The following SPIRE2 variants were observed in gnomAD, a reference collection of about 807,000 sequenced individuals.
SPIRE2 encodes the protein spire type actin nucleation factor 2.
A neutral mutation model predicts 80.7 loss-of-function variants in SPIRE2; 76 were observed. That is an observed-to-expected ratio of 0.94 (90% CI 0.78 to 1.14). SPIRE2 has a LOEUF of 1.14. Among genes scored for constraint, SPIRE2 ranks in the 50% most tolerant of loss-of-function variants. SPIRE2 has a pLI of 0.00. For synonymous variants in SPIRE2, 535 were observed against 432.6 expected (o/e 1.24, Z -2.94); for missense variants, 1,196 against 1,015.3 (o/e 1.18, Z -2.42).
chr16:89,845,848 A>T, intron 2 of SPIRE2: 1 of 528,578 alleles, frequency 1.9e-6, no homozygotes, highest in Non-Finnish European at 3.3e-6. Context: ...TCCACTTTCT[A>T]CTGCCTTTTT....
At chr16:89,849,076 C>A (rs1046864080) in intron 2 of SPIRE2, among the ~76,000 whole-genome samples, 1 of 152,272 alleles carries the variant, frequency 6.6e-6, no homozygotes, top group African/African-American at 2.4e-5. Flanking sequence ...TTCACCTGTT[C>A]TTGTTCTGCC....
intron 10 of SPIRE2, chr16:89,862,055 G>C (rs1045915478): frequency 1.3e-5 from 2 of 150,468 alleles, no homozygotes; most frequent in African/African-American, 4.9e-5. Context: ...CCAGGCTGGA[G>C]TGCAGTGGCG....
intron 12 of SPIRE2, among the ~76,000 whole-genome samples, chr16:89,867,051 A>G (rs2041795727): frequency 6.6e-6 from 1 of 151,874 alleles, no homozygotes; most frequent in Non-Finnish European, 1.5e-5. Context: ...TGTCAGGTAC[A>G]CACCAATGTC....
At position 89,856,100 on chromosome 16, in the gene SPIRE2, T is replaced by C; in HGVS notation, c.979-13T>C. 2 of 1,610,150 alleles carry C rather than the reference T, an allele frequency of 1.2e-6. No homozygotes were observed. The highest frequency in any genetic ancestry group is 8.5e-7 in the Non-Finnish European group (1 of 1,179,048). On this transcript the variant is annotated splice_polypyrimidine_tract_variant and intron_variant, in intron 6 of 14. Transcript: ENST00000378247. ...CCTGCTTCCCCACCGCAGGTCTCGCTTCCCCACCGCAGGTCTCTGAGAGGC... is the reference window on the plus strand; with the variant it reads ...CCTGCTTCCCCACCGCAGGTCTCGCCTCCCCACCGCAGGTCTCTGAGAGGC...
At chr16:89,836,201 T>C (rs1318731373) in intron 1 of SPIRE2, 1 of 455,626 alleles carries the variant, frequency 2.2e-6, no homozygotes, top group Non-Finnish European at 4.4e-6. Context: ...CAAACATAGG[T>C]TATTCTCTTA....
chr16:89,858,512 G>A lies in SPIRE2; in HGVS notation c.1272+5G>A. 11 of 1,565,598 alleles carry A rather than the reference G, an allele frequency of 7.0e-6. No individual in the cohort carries two copies. Among genetic ancestry groups the A allele is most frequent in the Non-Finnish European group, 9.5e-6 (11 of 1,156,648 alleles). On this transcript the variant is annotated splice_donor_5th_base_variant and intron_variant, in intron 8 of 14. Coordinates refer to ENST00000378247, the MANE Select transcript of SPIRE2 (RefSeq NM_032451.2). ...GAAGAGATGAATACATCTGAGGTCA[G>A]AACCCATGGGGATTCCTGAAAAGAG...
chr16:89,871,106 C>G lies in SPIRE2; in HGVS notation c.*834C>G, dbSNP rs2041836198. On this transcript the variant is annotated 3_prime_UTR_variant, in exon 15 of 15. Coordinates refer to ENST00000378247, the MANE Select transcript of SPIRE2 (RefSeq NM_032451.2). ...GTCTCGAAAAAAAAAAAGGTCCGTGCCAAGCTGCTCCCTGCCCTTGCCCTT... is the reference window on the plus strand; with the variant it reads ...GTCTCGAAAAAAAAAAAGGTCCGTGGCAAGCTGCTCCCTGCCCTTGCCCTT... 1 of 151,108 alleles carries G rather than the reference C, an allele frequency of 6.6e-6. No individual in the cohort carries two copies. The highest frequency in any genetic ancestry group is 1.5e-5 in the Non-Finnish European group (1 of 68,456). The allele number at this position is 151,108 out of a possible 1,614,324, so 9.4% of individuals were successfully genotyped here. A position where few individuals can be genotyped will look rare whatever the true frequency, so the allele number is the denominator to read the frequency against.
chr16:89,859,209 C>T lies in SPIRE2; in HGVS notation c.1317C>T (p.Arg439=). Reference sequence around the variant, plus strand: ...GGGAGGTGACGCTGAAACGGGACCGCTCCTTCTCAGAGCATGACCTGGCCC... The same window carrying T: ...GGGAGGTGACGCTGAAACGGGACCGTTCCTTCTCAGAGCATGACCTGGCCC... The part of the protein sequence containing the change: ...PCGEVTLKRD[R]SFSEHDLAQL... Residue 439 remains arginine, a synonymous_variant, in exon 9 of 15, where the codon CGC becomes CGT. Coordinates refer to ENST00000378247, the MANE Select transcript of SPIRE2 (RefSeq NM_032451.2). 2 of 1,602,698 alleles carry T rather than the reference C, an allele frequency of 1.2e-6. No homozygotes were observed. The highest frequency in any genetic ancestry group is 1.7e-6 in the Non-Finnish European group (2 of 1,174,552).
Position 89,845,566 on chromosome 16 carries a change from G to C in SPIRE2, c.288+201G>C, listed in dbSNP as rs1567671943. 5.6e-6 allele frequency: 4 copies of C among 709,134 alleles called. 1 individual carries two copies. The South Asian group carries it at 5.9e-5, about 10-fold the overall frequency. The allele number at this position is 709,134 out of a possible 1,614,324, so 43.9% of individuals were successfully genotyped here. A position where few individuals can be genotyped will look rare whatever the true frequency, so the allele number is the denominator to read the frequency against. ...AGACGTGGAGGAGACCGCCGGGGTG[G>C]GGAGGGTCCCCGTGGTGCTTCCGGC... On this transcript the variant is annotated intron_variant, in intron 2 of 14. Coordinates refer to ENST00000378247, the MANE Select transcript of SPIRE2 (RefSeq NM_032451.2).
chr16:89,844,836 G>C (rs1020070022), intron 1 of SPIRE2, among the ~76,000 whole-genome samples: 2 of 152,188 alleles, frequency 1.3e-5, no homozygotes, highest in African/African-American at 4.8e-5. Flanking sequence ...TCCCACCTCG[G>C]CATCTCAAAG....
chr16:89,843,698 G>GTTTTTTT (rs568062812), intron 1 of SPIRE2, among the ~76,000 whole-genome samples: 2 of 18,214 alleles, frequency 1.1e-4, no homozygotes, highest in Admixed American at 1.0e-3. Context: ...TTTGTTTTTT[G>GTTTTTTT]TTTTTTTTTT....
At chr16:89,843,174 G>C (rs1310900876) in intron 1 of SPIRE2, among the ~76,000 whole-genome samples, 2 of 152,182 alleles carry the variant, frequency 1.3e-5, no homozygotes, top group African/African-American at 4.8e-5. Flanking sequence ...CCCCGGGGGA[G>C]GAGGGTTGGG....
chr16:89,859,453 G>A, intron 9 of SPIRE2, 99 bp downstream of exon 9: 1 of 729,028 alleles, frequency 1.4e-6, no homozygotes, highest in Non-Finnish European at 1.9e-6. Flanking sequence ...TCCTGAGCAG[G>A]CAGCTCCCAG....
At position 89,863,894 on chromosome 16, in the gene SPIRE2, G is replaced by A. The variant is rs1354733847; in HGVS notation, c.1778+33G>A. 6.4e-7 allele frequency: 1 copy of A among 1,572,712 alleles called. No individual in the cohort carries two copies. On this transcript the variant is annotated intron_variant, in intron 12 of 14. Coordinates refer to ENST00000378247, the MANE Select transcript of SPIRE2 (RefSeq NM_032451.2). This position sits in a 1 kb window ranked among gnomAD's most constrained non-coding sequence, Gnocchi z 4.3. ...TTCCCTTTAGCTGTCAGTTCACAAG[G>A]GAAGGAGGAGGCGAGAAACCTCGGG...
intron 5 of SPIRE2, 70 bp from the exon 6 acceptor site, chr16:89,855,530 G>A (rs2143814076): frequency 1.4e-6 from 2 of 1,404,798 alleles, no homozygotes; most frequent in Non-Finnish European, 2.0e-6. Flanking sequence ...GGGCTGAGCA[G>A]GCCTCTCCCA....
In SPIRE2 at chr16:89,870,071, G is replaced by A; in HGVS notation, c.1944G>A (p.Trp648Ter). ...DIFQSLQGPQWQSVEEAFPHI... is the reference protein window; with the variant it reads ...DIFQSLQGPQ ...CCAGGTCTCTGCAAGGGCCACAGTG[G>A]CAGAGCGTGGAGGAGGCGTTCCCCC... Residue 648 changes from tryptophan to a stop codon, truncating the protein, a stop_gained, in exon 15 of 15, where the codon TGG becomes TGA. Coordinates refer to ENST00000378247, the MANE Select transcript of SPIRE2 (RefSeq NM_032451.2). LOFTEE classifies it high-confidence loss of function. 2 of 1,612,960 alleles carry A rather than the reference G, an allele frequency of 1.2e-6. No homozygotes were observed. The highest frequency in any genetic ancestry group is 1.7e-6 in the Non-Finnish European group (2 of 1,179,860).
intron 1 of SPIRE2, among the ~76,000 whole-genome samples, chr16:89,839,908 A>G (rs1313324962): frequency 1.3e-5 from 2 of 151,112 alleles, no homozygotes; most frequent in Non-Finnish European, 3.0e-5. Flanking sequence ...ACTGATGATC[A>G]TGCCTGTGTG....
chr16:89,847,959 T>A (rs779942059), intron 2 of SPIRE2, among the ~76,000 whole-genome samples: 1 of 151,804 alleles, frequency 6.6e-6, no homozygotes, highest in African/African-American at 2.4e-5. Context: ...CGTGTGGGGG[T>A]TGGGGGCTTT....
chr16:89,870,355 T>A lies in SPIRE2; in HGVS notation c.*83T>A, dbSNP rs990690514. The A allele has an allele frequency of 1.1e-5, 8 of 721,178 alleles. No individual in the cohort carries two copies. The highest frequency in any genetic ancestry group is 1.9e-5 in the Non-Finnish European group (8 of 423,788). 44.7% of individuals were successfully genotyped at this position (721,178 alleles called of 1,614,324 possible). A position where few individuals can be genotyped will look rare whatever the true frequency, so the allele number is the denominator to read the frequency against. On this transcript the variant is annotated 3_prime_UTR_variant, in exon 15 of 15. Transcript: ENST00000378247. ...ACGCTCTGAGCTGTGCATGTACATATATACATATATAGATACATTTATAAT... is the reference window on the plus strand; with the variant it reads ...ACGCTCTGAGCTGTGCATGTACATAAATACATATATAGATACATTTATAAT...
Sources: gnomAD v4.1 joint callset for allele counts (sites outside exome capture counted in the v4.1 genomes callset) on GRCh38, gnomAD v4.1.1 for gene constraint, Gnocchi (gnomAD v3.1) non-coding constraint, MANE v1.5 for transcripts, NCBI Gene and HGNC (gene_info 2026-07-23, HGNC 2026-07-21) for gene names.